The following LRRC4C variants were observed in gnomAD, a reference collection of about 807,000 sequenced individuals.
LRRC4C encodes the protein leucine-rich repeat-containing protein 4C.
Under a neutral mutation model 33.6 loss-of-function variants are expected in LRRC4C, and 5 were observed. The observed-to-expected ratio is 0.15, with a 90% CI of 0.08 to 0.31. The LOEUF is 0.31. LRRC4C is among the 10% of genes least tolerant of loss of function. The pLI is 1.00. For missense variants in LRRC4C, 560 were observed against 796.7 expected (o/e 0.70, Z 3.58); for synonymous variants, 329 against 302.0 (o/e 1.09, Z -0.93).
chr11:41,080,889 G>C (rs913326224), intron 1 of LRRC4C, among the ~76,000 whole-genome samples: 1 of 152,106 alleles, frequency 6.6e-6, no homozygotes, highest in African/African-American at 2.4e-5. Context: ...TTAGTTTCCT[G>C]TCTGAGAAGA....
At chr11:40,123,122 T>C (rs1855957312) in intron 6 of LRRC4C, among the ~76,000 whole-genome samples, 1 of 152,062 alleles carries the variant, frequency 6.6e-6, no homozygotes, top group Non-Finnish European at 1.5e-5. Flanking sequence ...TTATGAGCCA[T>C]ATGATCTCTT....
At chr11:40,307,571 C>T (rs1280948011) in intron 4 of LRRC4C, among the ~76,000 whole-genome samples, 1 of 152,176 alleles carries the variant, frequency 6.6e-6, no homozygotes, top group Admixed American at 6.5e-5. Context: ...TCAATCACGA[C>T]CTTTGCCTTC....
chr11:40,426,221 G>T (rs2137798130), intron 3 of LRRC4C, among the ~76,000 whole-genome samples: 1 of 152,056 alleles, frequency 6.6e-6, no homozygotes, highest in African/African-American at 2.4e-5. Context: ...CACCATGTTA[G>T]CCAGGATTGT....
At chr11:40,283,226 A>G (rs1943600129) in intron 4 of LRRC4C, among the ~76,000 whole-genome samples, 1 of 152,236 alleles carries the variant, frequency 6.6e-6, no homozygotes, top group Admixed American at 6.5e-5. Context: ...ATTTTTAAAA[A>G]TGAGATCCTC....
chr11:40,259,986 G>C (rs1313020705), intron 4 of LRRC4C, among the ~76,000 whole-genome samples: 2 of 147,178 alleles, frequency 1.4e-5, no homozygotes, highest in African/African-American at 2.5e-5. Context: ...CATTGTGGAA[G>C]TCAGTGTGGC....
At chr11:40,555,084 A>G (rs1335409015) in intron 3 of LRRC4C, among the ~76,000 whole-genome samples, 3 of 152,128 alleles carry the variant, frequency 2.0e-5, no homozygotes, top group Non-Finnish European at 2.9e-5. Context: ...AAATGCTACG[A>G]TTTTATACAT....
chr11:40,162,678 C>G (rs1448630243), intron 5 of LRRC4C, among the ~76,000 whole-genome samples: 1 of 152,124 alleles, frequency 6.6e-6, no homozygotes, highest in African/African-American at 2.4e-5. Flanking sequence ...TTATTAGGGC[C>G]AAGTACTATA....
intron 3 of LRRC4C, among the ~76,000 whole-genome samples, chr11:40,532,501 T>C (rs954371454): frequency 2.0e-5 from 3 of 151,556 alleles, no homozygotes; most frequent in Non-Finnish European, 4.4e-5. Flanking sequence ...TAATTACAGG[T>C]GAAGAGAAAT....
chr11:40,176,525 C>CT (rs60000344), intron 5 of LRRC4C, among the ~76,000 whole-genome samples: 7,593 of 148,738 alleles, frequency 0.051, 475 homozygotes, highest in East Asian at 0.16. Flanking sequence ...TTTATGGATT[C>CT]TTTTTTTTCC....
rs545483974 is a variant in LRRC4C, at chr11:40,418,775, C to T, written c.-269-99054G>A. ...TACACATACACCATTGAATACTATG[C>T]AGCCATAAAAAGGAGTGAGATCATG... On this transcript the variant is annotated intron_variant, in intron 3 of 6. Transcript: ENST00000528697. 2.6e-5 allele frequency among the ~76,000 whole-genome samples: 4 copies of T among 152,284 alleles called. No individual in the cohort carries two copies. The South Asian group carries it at 8.3e-4, about 32-fold the overall frequency.
intron 4 of LRRC4C, among the ~76,000 whole-genome samples, chr11:40,258,950 T>C (rs1364932113): frequency 6.6e-6 from 1 of 152,160 alleles, no homozygotes; most frequent in Non-Finnish European, 1.5e-5. Context: ...TTATGATAAA[T>C]AGCTAAATGG....
chr11:41,043,135 G>T (rs1157268524), intron 1 of LRRC4C, among the ~76,000 whole-genome samples: 1 of 119,804 alleles, frequency 8.3e-6, no homozygotes, highest in Non-Finnish European at 1.6e-5. Flanking sequence ...TTGATTTGAT[G>T]AGCTTGATCT....
At chr11:40,876,553 A>C (rs2135982196) in intron 2 of LRRC4C, among the ~76,000 whole-genome samples, 1 of 152,130 alleles carries the variant, frequency 6.6e-6, no homozygotes, top group African/African-American at 2.4e-5. Context: ...CAAGTAAGCA[A>C]GTTTTGTGAC....
chr11:41,373,781 G>C (rs1039915206), intron 1 of LRRC4C, among the ~76,000 whole-genome samples: 1 of 152,090 alleles, frequency 6.6e-6, no homozygotes, highest in Non-Finnish European at 1.5e-5. Flanking sequence ...TATTTATAAA[G>C]ATCACGAATT....
rs567888327 is a variant in LRRC4C, at chr11:40,183,066, A to G, written c.-95-42213T>C. Among the ~76,000 whole-genome samples, 5 of 152,354 alleles carry G rather than the reference A, an allele frequency of 3.3e-5. No individual in the cohort carries two copies. In the South Asian group the frequency reaches 1.0e-3, roughly 32 times the overall value. On this transcript the variant is annotated intron_variant, in intron 5 of 6. Coordinates refer to ENST00000528697, the MANE Select transcript of LRRC4C (RefSeq NM_001258419.2). ...TTAACCACTACATATGCTACTGCCT[A>G]TAAGAATGTAGCTTTATAATTACCA... is the stretch of plus-strand genomic sequence containing the variant.
chr11:40,750,392 A>G (rs1948624972), intron 2 of LRRC4C, among the ~76,000 whole-genome samples: 2 of 152,112 alleles, frequency 1.3e-5, no homozygotes, highest in Admixed American at 1.3e-4. Flanking sequence ...GCAGACAAGG[A>G]CACAAAAGAA....
intron 1 of LRRC4C, among the ~76,000 whole-genome samples, chr11:41,432,890 T>C (rs973320229): frequency 1.1e-4 from 17 of 152,194 alleles, no homozygotes; most frequent in African/African-American, 2.4e-4. Flanking sequence ...GCAGGAAGTT[T>C]CCCACTTTTG....
At chr11:41,280,592 T>A (rs1478054336) in intron 1 of LRRC4C, among the ~76,000 whole-genome samples, 1 of 152,180 alleles carries the variant, frequency 6.6e-6, no homozygotes, top group Non-Finnish European at 1.5e-5. Flanking sequence ...TATAGACAAA[T>A]TTACCTTACA....
chr11:40,582,792 C>T (rs1325697338), intron 3 of LRRC4C, among the ~76,000 whole-genome samples: 3 of 151,816 alleles, frequency 2.0e-5, no homozygotes, highest in Admixed American at 6.6e-5. Context: ...GCTGGGATTA[C>T]AGGCGTGAGC....
Sources: gnomAD v4.1 joint callset for allele counts (sites outside exome capture counted in the v4.1 genomes callset) on GRCh38, gnomAD v4.1.1 for gene constraint, MANE v1.5 for transcripts, NCBI Gene and HGNC (gene_info 2026-07-23, HGNC 2026-07-21) for gene names.